ZRSR2: variants seen among roughly 807,000 people sequenced by gnomAD.
ZRSR2 encodes zinc finger CCCH-type, RNA binding motif and serine/arginine rich 2.
ZRSR2 carries 3 observed loss-of-function variants against 39.4 expected under a neutral mutation model. The observed-to-expected ratio is 0.08, with a 90% CI of 0.03 to 0.20. ZRSR2 has a LOEUF of 0.20. ZRSR2 is among the 10% of genes least tolerant of loss of function. The pLI, the probability that ZRSR2 is intolerant of heterozygous loss-of-function variation, is 1.00. For missense variants in ZRSR2, 256 were observed against 391.5 expected, an observed-to-expected ratio of 0.65 and a Z score of 2.92; for synonymous variants, 137 against 136.0, an observed-to-expected ratio of 1.01 and a Z score of -0.05.
At chrX:15,790,880 G>T in intron 1 of ZRSR2, 54 bp from the exon 2 acceptor site, 1 of 1,107,188 alleles carries the variant, frequency 9.0e-7, no homozygotes, top group Non-Finnish European at 1.2e-6. Context: ...CGGGGAGCTC[G>T]GGCAGCGCTG....
intron 7 of ZRSR2, among the ~76,000 whole-genome samples, chrX:15,812,298 G>A (rs1932899336): frequency 8.9e-6 from 1 of 112,537 alleles, no homozygotes; most frequent in Admixed American, 9.4e-5. Flanking sequence ...TATAACAGCA[G>A]TGTGGAGATT....
intron 3 of ZRSR2, among the ~76,000 whole-genome samples, chrX:15,803,060 C>A (rs1408492995): frequency 9.2e-6 from 1 of 108,528 alleles, no homozygotes; most frequent in Non-Finnish European, 1.9e-5. Context: ...GTCAGGAGTT[C>A]GAGACCAGCC....
intron 5 of ZRSR2, among the ~76,000 whole-genome samples, chrX:15,807,479 G>A (rs1490433435): frequency 2.8e-5 from 3 of 107,568 alleles, no homozygotes; most frequent in Non-Finnish European, 3.9e-5. Context: ...TAGTAGTGAC[G>A]GGGTTTCACC....
intron 2 of ZRSR2, among the ~76,000 whole-genome samples, chrX:15,795,141 C>T (rs757679183): frequency 2.2e-5 from 2 of 90,480 alleles, no homozygotes; most frequent in South Asian, 1.2e-3. Context: ...TTGGCTCTGT[C>T]TTAAGTCCAA....
chrX:15,795,513 T>A lies in ZRSR2; in HGVS notation c.122-4359T>A, dbSNP rs760328170. ...AATAATTTTAAAATCCAGTTCCTTA[T>A]TGGCAAGGTACTTCCTGACTTCAGG... On this transcript the variant is annotated intron_variant, in intron 2 of 10. Coordinates refer to ENST00000307771, the MANE Select transcript of ZRSR2 (RefSeq NM_005089.4). Among the ~76,000 whole-genome samples, 19 of 111,699 alleles carry A rather than the reference T, an allele frequency of 1.7e-4. No homozygotes were observed. The South Asian group carries it at 7.2e-3, about 42-fold the overall frequency.
Position 15,820,334 on chromosome X carries a change from G to C in ZRSR2, c.937+18G>C. On this transcript the variant is annotated intron_variant, in intron 10 of 10. Coordinates refer to ENST00000307771, the MANE Select transcript of ZRSR2 (RefSeq NM_005089.4). ...GATTTGTGGTAAAAGACAAAGTGATGATTTTTTTCCTCAATTGTTCCACTG... is the reference window on the plus strand; with the variant it reads ...GATTTGTGGTAAAAGACAAAGTGATCATTTTTTTCCTCAATTGTTCCACTG... 1.7e-6 allele frequency: 2 copies of C among 1,175,006 alleles called. No homozygotes were observed. The highest frequency in any genetic ancestry group is 2.3e-6 in the Non-Finnish European group (2 of 862,613).
Position 15,808,184 on chromosome X carries a change from C to T in ZRSR2, c.400-49C>T, listed in dbSNP as rs902538980. ...TCTTAACCAGAGAAACCAGATGTGA[C>T]TTACCTGACTTCTGGGTTTTTATTA... On this transcript the variant is annotated intron_variant, in intron 5 of 10. Transcript: ENST00000307771. 4 of 1,132,917 alleles carry T rather than the reference C, an allele frequency of 3.5e-6. No homozygotes were observed. The East Asian group carries it at 9.0e-5, about 25-fold the overall frequency. 93.4% of individuals were successfully genotyped at this position (1,132,917 alleles called of 1,213,427 possible).
intron 2 of ZRSR2, among the ~76,000 whole-genome samples, chrX:15,796,122 G>A (rs975359472): frequency 1.8e-5 from 2 of 108,917 alleles, no homozygotes; most frequent in African/African-American, 3.4e-5. Context: ...TCCGCCTCCC[G>A]GGTTGAAGCA....
intron 2 of ZRSR2, among the ~76,000 whole-genome samples, chrX:15,791,678 A>T (rs770641660): frequency 1.3e-5 from 1 of 78,278 alleles, no homozygotes; most frequent in Non-Finnish European, 2.3e-5. Context: ...TTTTTTTGAG[A>T]CGGAGTCTCG....
Position 15,820,187 on chromosome X carries a change from A to G in ZRSR2, c.828-20A>G. On this transcript the variant is annotated intron_variant, in intron 9 of 10. Coordinates refer to ENST00000307771, the MANE Select transcript of ZRSR2 (RefSeq NM_005089.4). ...TTAGGAAGTTACTGTAAAGCATATCATTTGATTTTTGGTTTAAAGGGAAGA... is the reference window on the plus strand; with the variant it reads ...TTAGGAAGTTACTGTAAAGCATATCGTTTGATTTTTGGTTTAAAGGGAAGA... The G allele has an allele frequency of 8.6e-7, 1 of 1,165,674 alleles. No homozygotes were observed. The highest frequency in any genetic ancestry group is 1.2e-6 in the Non-Finnish European group (1 of 854,425).
chrX:15,807,837 C>G (rs774730715), intron 5 of ZRSR2, among the ~76,000 whole-genome samples: 9 of 108,167 alleles, frequency 8.3e-5, no homozygotes, highest in East Asian at 3.0e-4. Context: ...CTCAGGAGTT[C>G]GAGACTAGCC....
chrX:15,812,384 A>T (rs913151075), intron 7 of ZRSR2, among the ~76,000 whole-genome samples: 1 of 112,377 alleles, frequency 8.9e-6, no homozygotes, highest in African/African-American at 3.2e-5. Context: ...CCATCCCTTT[A>T]GACAAGTAGA....
chrX:15,813,543 T>C, intron 7 of ZRSR2, among the ~76,000 whole-genome samples: 1 of 112,403 alleles, frequency 8.9e-6, no homozygotes. Flanking sequence ...AAGGACTGTC[T>C]TTAGGCCAGA....
At chrX:15,821,654 A>G (rs1245404831) in intron 10 of ZRSR2, among the ~76,000 whole-genome samples, 1 of 110,720 alleles carries the variant, frequency 9.0e-6, no homozygotes, top group Non-Finnish European at 1.9e-5. Context: ...TGTCACATCT[A>G]GGATGACATT....
chrX:15,808,664 C>T (rs1280153414), intron 6 of ZRSR2, among the ~76,000 whole-genome samples: 4 of 104,322 alleles, frequency 3.8e-5, no homozygotes, highest in Non-Finnish European at 5.9e-5. Flanking sequence ...TCTTGTTGCC[C>T]AGGCTGGAGT....
chrX:15,799,811 T>C, intron 2 of ZRSR2, 61 bp from the exon 3 acceptor site: 1 of 761,663 alleles, frequency 1.3e-6, no homozygotes, highest in Non-Finnish European at 1.9e-6. Flanking sequence ...TGTATTTTTT[T>C]CCTGAATTTT....
At chrX:15,804,877 TAAA>T (rs11316753) in intron 5 of ZRSR2, among the ~76,000 whole-genome samples, 1 of 102,008 alleles carries the variant, frequency 9.8e-6, no homozygotes, top group African/African-American at 3.6e-5. Flanking sequence ...GTTGCTTATT[TAAA>T]AAAAAAAAAA....
chrX:15,821,483 G>T (rs1288398545), intron 10 of ZRSR2, among the ~76,000 whole-genome samples: 1 of 111,281 alleles, frequency 9.0e-6, no homozygotes, highest in Non-Finnish European at 1.9e-5. Flanking sequence ...TTATTGAGTT[G>T]TAAGAGTTCT....
intron 3 of ZRSR2, among the ~76,000 whole-genome samples, chrX:15,802,321 G>T (rs1932696823): frequency 1.8e-5 from 2 of 111,867 alleles, no homozygotes; most frequent in Non-Finnish European, 3.8e-5. Context: ...CTAATTGGCA[G>T]GTAGACTTTG....
Sources: allele counts gnomAD v4.1 joint callset (sites outside exome capture counted in the v4.1 genomes callset), GRCh38; gene constraint gnomAD v4.1.1; transcripts MANE v1.5; gene names NCBI Gene and HGNC (gene_info 2026-07-23, HGNC 2026-07-21).